Variants in AP3S1 observed in about 807,000 individuals in gnomAD.
AP3S1 encodes adaptor related protein complex 3 subunit sigma 1, also known as AP-3 complex subunit sigma-1.
A neutral mutation model predicts 21.3 loss-of-function variants in AP3S1; 12 were observed. The ratio of observed to expected loss-of-function variants is 0.56; its 90% CI spans 0.36 to 0.91. The LOEUF is 0.91. Among genes scored for constraint, AP3S1 ranks in the 40% least tolerant of loss-of-function variants. The pLI is 0.01. For missense variants in AP3S1, 116 were observed against 225.0 expected (o/e 0.52, Z 3.10); for synonymous variants, 48 against 78.4 (o/e 0.61, Z 2.05).
At chr5:115,878,834 G>C (rs550418863) in intron 3 of AP3S1, among the ~76,000 whole-genome samples, 11 of 152,132 alleles carry the variant, frequency 7.2e-5, no homozygotes, top group Non-Finnish European at 1.3e-4. Flanking sequence ...CATGAGCATG[G>C]AATGTTTTTC....
At chr5:115,886,607 G>T (rs576211095) in intron 3 of AP3S1, among the ~76,000 whole-genome samples, 47 of 152,234 alleles carry the variant, frequency 3.1e-4, no homozygotes, top group African/African-American at 1.1e-3. Flanking sequence ...TTATCGGTAA[G>T]GCTTCTGGTC....
At chr5:115,866,124 T>A (rs1351145257) in intron 1 of AP3S1, among the ~76,000 whole-genome samples, 1 of 152,182 alleles carries the variant, frequency 6.6e-6, no homozygotes, top group Non-Finnish European at 1.5e-5. Context: ...GGAATATGAA[T>A]TGCTTGGTCC....
intron 1 of AP3S1, among the ~76,000 whole-genome samples, chr5:115,859,056 G>A (rs1762987619): frequency 6.6e-6 from 1 of 152,100 alleles, no homozygotes; most frequent in South Asian, 2.1e-4. Context: ...TATTAGAGTT[G>A]TCTTCAGCTG....
intron 2 of AP3S1, among the ~76,000 whole-genome samples, chr5:115,868,852 A>C (rs1329531695): frequency 6.6e-6 from 1 of 150,712 alleles, no homozygotes; most frequent in African/African-American, 2.4e-5. Context: ...ATTGCACTCC[A>C]GCCTGGGTGA....
chr5:115,863,853 G>C (rs1018814209), intron 1 of AP3S1, among the ~76,000 whole-genome samples: 5 of 152,202 alleles, frequency 3.3e-5, no homozygotes, highest in Admixed American at 3.3e-4. Flanking sequence ...AAAGAGGTTT[G>C]AGTTTAAAAA....
chr5:115,842,229 C>G (rs1761635906), intron 1 of AP3S1, 123 bp downstream of exon 1: 3 of 1,363,506 alleles, frequency 2.2e-6, no homozygotes, highest in South Asian at 3.2e-5. Context: ...TCCCGGCCGC[C>G]TGGCGCTCGC....
intron 3 of AP3S1, among the ~76,000 whole-genome samples, chr5:115,894,201 A>G (rs1166142589): frequency 6.6e-5 from 10 of 152,200 alleles, no homozygotes; most frequent in Non-Finnish European, 1.5e-4. Flanking sequence ...GTTACACAGG[A>G]CATGCTTAAT....
At position 115,895,154 on chromosome 5, in the gene AP3S1, A is replaced by G. The variant is rs750582931; in HGVS notation, c.341A>G (p.Asp114Gly). The change falls in exon 4 of 6, where the codon GAC becomes GGC. Residue 114 changes from aspartate to glycine, a missense_variant. By Grantham distance (94) the Asp-to-Gly change is moderately conservative. This residue lies in a region of AP3S1 where 65 missense variants were observed against 148.2 expected (regional missense o/e 0.44). Transcript: ENST00000316788. ...GAGCTGGATTTGATTTTCCATGTAG[A>G]CAAGGTACTATTTGTATTGTCACAT... ...VCELDLIFHV[D>G]KVHNILAEMV... 2.5e-6 allele frequency: 4 copies of G among 1,601,160 alleles called. No individual in the cohort carries two copies. The highest frequency in any genetic ancestry group is 3.4e-6 in the Non-Finnish European group (4 of 1,172,696).
chr5:115,859,947 C>T (rs1438302437), intron 1 of AP3S1, among the ~76,000 whole-genome samples: 1 of 152,176 alleles, frequency 6.6e-6, no homozygotes, highest in Admixed American at 6.5e-5. Flanking sequence ...TTACCACAGA[C>T]TTAGTGGCTT....
chr5:115,861,588 T>G (rs1350153966), intron 1 of AP3S1, among the ~76,000 whole-genome samples: 1 of 152,138 alleles, frequency 6.6e-6, no homozygotes, highest in African/African-American at 2.4e-5. Context: ...AGGGTCTTGC[T>G]CTGTCATCCA....
chr5:115,864,937 A>T (rs772915808), intron 1 of AP3S1, among the ~76,000 whole-genome samples: 1 of 152,230 alleles, frequency 6.6e-6, no homozygotes, highest in Non-Finnish European at 1.5e-5. Context: ...TTTTAATGAC[A>T]TGGACCCTTC....
intron 3 of AP3S1, among the ~76,000 whole-genome samples, chr5:115,879,847 G>C (rs1467688850): frequency 1.3e-5 from 2 of 152,022 alleles, no homozygotes; most frequent in African/African-American, 4.8e-5. Context: ...GCTTTTTTTG[G>C]TTGTTAGGCT....
chr5:115,893,720 T>C (rs1008737520), intron 3 of AP3S1, among the ~76,000 whole-genome samples: 1 of 152,186 alleles, frequency 6.6e-6, no homozygotes. Flanking sequence ...CCCCATAGGA[T>C]CACCTGTGAA....
At chr5:115,850,284 A>G (rs1222977453) in intron 1 of AP3S1, among the ~76,000 whole-genome samples, 10 of 152,036 alleles carry the variant, frequency 6.6e-5, no homozygotes, top group Admixed American at 3.9e-4. Context: ...ATTCTACCGC[A>G]TACATATCCT....
At chr5:115,850,249 G>A (rs1762344130) in intron 1 of AP3S1, among the ~76,000 whole-genome samples, 1 of 152,130 alleles carries the variant, frequency 6.6e-6, no homozygotes, top group Non-Finnish European at 1.5e-5. Context: ...ATTACCTTGT[G>A]CTTACTGAGG....
intron 1 of AP3S1, among the ~76,000 whole-genome samples, chr5:115,850,696 G>A (rs912102117): frequency 3.3e-5 from 5 of 152,064 alleles, no homozygotes; most frequent in African/African-American, 7.2e-5. Flanking sequence ...CAAAATTTCC[G>A]TAATTTTTAA....
At chr5:115,890,792 G>C (rs1750230089) in intron 3 of AP3S1, among the ~76,000 whole-genome samples, 1 of 145,330 alleles carries the variant, frequency 6.9e-6, no homozygotes, top group Non-Finnish European at 1.5e-5. Flanking sequence ...CCAGTAACTT[G>C]AGTTGTTTCC....
chr5:115,887,639 T>C (rs1198382438), intron 3 of AP3S1, among the ~76,000 whole-genome samples: 1 of 152,138 alleles, frequency 6.6e-6, no homozygotes, highest in Non-Finnish European at 1.5e-5. Flanking sequence ...GCCCTTTATA[T>C]TTATTCATTT....
At chr5:115,855,057 A>ATCTG (rs1184521017) in intron 1 of AP3S1, among the ~76,000 whole-genome samples, 1 of 150,276 alleles carries the variant, frequency 6.7e-6, no homozygotes, top group Non-Finnish European at 1.5e-5. Context: ...CTATCTATCT[A>ATCTG]TCTATCTCTG....
Sources: allele counts gnomAD v4.1 joint callset (sites outside exome capture counted in the v4.1 genomes callset), GRCh38; gene constraint gnomAD v4.1.1; regional missense constraint gnomAD v4.1.1; transcripts MANE v1.5; gene names NCBI Gene and HGNC (gene_info 2026-07-23, HGNC 2026-07-21).